The following PRR14L variants were observed in gnomAD, a reference collection of about 807,000 sequenced individuals.
The protein encoded by PRR14L is proline rich 14 like, also known as protein PRR14L.
A neutral mutation model predicts 155.0 loss-of-function variants in PRR14L; 80 were observed. That is an observed-to-expected ratio of 0.52 (90% CI 0.43 to 0.62). PRR14L has a LOEUF of 0.62. Among genes scored for constraint, PRR14L ranks in the 20% least tolerant of loss-of-function variants. The pLI, the probability that PRR14L is intolerant of heterozygous loss-of-function variation, is 0.00. For missense variants in PRR14L, 2,469 were observed against 2,548.0 expected (o/e 0.97, Z 0.67); for synonymous variants, 883 against 916.0 (o/e 0.96, Z 0.65).
In PRR14L at chr22:31,716,426, C is replaced by T. The variant is rs1372351909; in HGVS notation, c.1413G>A (p.Met471Ile). ...PNSFTEATEV[M>I]LNKNDLKITV... is the part of the protein sequence containing the mutation. ...TAATTTTCAAATCATTTTTATTTAA[C>T]ATTACTTCTGTGGCTTCAGTAAAAG... Residue 471 changes from methionine to isoleucine, a missense_variant, in exon 4 of 9, where the codon ATG becomes ATA. Physicochemically the swap from Met to Ile is conservative, Grantham distance 10. This residue lies in a region of PRR14L where 2,363 missense variants were observed against 2,371.6 expected (regional missense o/e 1.00). Transcript: ENST00000327423. 2 of 1,551,072 alleles carry T rather than the reference C, an allele frequency of 1.3e-6. No homozygotes were observed. Among genetic ancestry groups the T allele is most frequent in the African/African-American group, 1.4e-5 (1 of 72,992 alleles).
intron 7 of PRR14L, among the ~76,000 whole-genome samples, chr22:31,690,688 C>G (rs1431147328): frequency 6.6e-6 from 1 of 151,060 alleles, no homozygotes; most frequent in Non-Finnish European, 1.5e-5. Flanking sequence ...GTCGCCCAGG[C>G]TGGAGTGCAG....
intron 1 of PRR14L, among the ~76,000 whole-genome samples, chr22:31,748,450 C>CTG (rs138283): frequency 0.83 from 126,371 of 152,008 alleles, 53,145 homozygotes; most frequent in African/African-American, 0.96. Flanking sequence ...AGGAGTGAAA[C>CTG]TGGAAAATGC....
At chr22:31,708,502 T>C (rs1228011878) in intron 4 of PRR14L, among the ~76,000 whole-genome samples, 2 of 151,766 alleles carry the variant, frequency 1.3e-5, no homozygotes, top group African/African-American at 4.8e-5. Context: ...AATTTTCCTG[T>C]TTTTAGTAGA....
At chr22:31,700,366 T>A (rs999120133) in intron 7 of PRR14L, among the ~76,000 whole-genome samples, 1 of 152,228 alleles carries the variant, frequency 6.6e-6, no homozygotes, top group Non-Finnish European at 1.5e-5. Flanking sequence ...GAAATATTTT[T>A]AAAATTTCTC....
chr22:31,707,483 C>T (rs778092785), intron 4 of PRR14L, among the ~76,000 whole-genome samples: 13 of 152,090 alleles, frequency 8.5e-5, no homozygotes, highest in Admixed American at 3.9e-4. Flanking sequence ...CAGGTTCAAG[C>T]GATTCTCCTG....
intron 5 of PRR14L, 32 bp from the exon 6 acceptor site, chr22:31,703,753 G>T: frequency 7.3e-7 from 1 of 1,375,306 alleles, no homozygotes; most frequent in Non-Finnish European, 9.7e-7. Flanking sequence ...AGATATGAGA[G>T]GGGTTCCCTT....
In PRR14L at chr22:31,715,170, A is replaced by G; in HGVS notation, c.2669T>C (p.Ile890Thr). 1 of 1,551,952 alleles carries G rather than the reference A, an allele frequency of 6.4e-7. No individual in the cohort carries two copies. The highest frequency in any genetic ancestry group is 8.7e-7 in the Non-Finnish European group (1 of 1,147,028). ...LLNSGISNKT[I>T]HTSSSIKLSE... ...GAGTTTGATGCTACTGGAGGTGTGA[A>G]TGGTTTTGTTTGAAATTCCACTATT... The change falls in exon 4 of 9, where the codon ATT (isoleucine) becomes ACT (threonine). Residue 890 changes from isoleucine to threonine, a missense_variant. This residue lies in a region of PRR14L where 2,363 missense variants were observed against 2,371.6 expected (regional missense o/e 1.00). Transcript: ENST00000327423.
intron 7 of PRR14L, among the ~76,000 whole-genome samples, chr22:31,693,162 C>G (rs551351265): frequency 6.6e-6 from 1 of 152,098 alleles, no homozygotes; most frequent in Non-Finnish European, 1.5e-5. Flanking sequence ...TGAGTTTTGA[C>G]AAACACATAA....
intron 2 of PRR14L, among the ~76,000 whole-genome samples, chr22:31,737,283 C>T (rs1020653875): frequency 5.3e-5 from 8 of 151,902 alleles, no homozygotes; most frequent in Non-Finnish European, 8.8e-5. Flanking sequence ...GGGTTCTAGA[C>T]CAGCCTGGTC....
intron 7 of PRR14L, among the ~76,000 whole-genome samples, chr22:31,695,536 G>A (rs1156784595): frequency 7.9e-5 from 12 of 152,098 alleles, no homozygotes; most frequent in Non-Finnish European, 1.5e-5. Context: ...TTCCCAACAC[G>A]CATAGGGCAC....
intron 6 of PRR14L, among the ~76,000 whole-genome samples, chr22:31,702,805 C>T (rs763356209): frequency 7.3e-5 from 11 of 150,944 alleles, no homozygotes; most frequent in African/African-American, 1.5e-4. Context: ...CGTGAGCCAC[C>T]GTGCCCGGCC....
intron 7 of PRR14L, among the ~76,000 whole-genome samples, chr22:31,700,295 T>G (rs1422357505): frequency 6.6e-6 from 1 of 152,228 alleles, no homozygotes; most frequent in Non-Finnish European, 1.5e-5. Context: ...CAAGAGAGAA[T>G]AGAACTGATA....
In PRR14L at chr22:31,684,064, GTT is replaced by G. The variant is rs1413650490; in HGVS notation, c.*1461_*1462del. On this transcript the variant is annotated 3_prime_UTR_variant, in exon 9 of 9. Coordinates refer to ENST00000327423, the MANE Select transcript of PRR14L (RefSeq NM_173566.3). ...TGGAATGTTAATTCTCTAAACTCTTGTTTTGAGAGAGAAAGAGAAACCCCTAG... is the reference window on the plus strand; with the variant it reads ...TGGAATGTTAATTCTCTAAACTCTTGTTGAGAGAGAAAGAGAAACCCCTAG... 7 of 152,324 alleles carry G rather than the reference GTT, an allele frequency of 4.6e-5. No homozygotes were observed. In the East Asian group the frequency reaches 9.6e-4, roughly 21 times the overall value. 9.4% of individuals were successfully genotyped at this position (152,324 alleles called of 1,614,324 possible).
At chr22:31,717,862 C>T (rs886522961) in intron 3 of PRR14L, among the ~76,000 whole-genome samples, 1 of 151,744 alleles carries the variant, frequency 6.6e-6, no homozygotes, top group Non-Finnish European at 1.5e-5. Context: ...TCAGCTCAAG[C>T]AATTTTCCCG....
intron 1 of PRR14L, among the ~76,000 whole-genome samples, chr22:31,743,287 A>G (rs2074822074): frequency 6.6e-6 from 1 of 150,784 alleles, no homozygotes; most frequent in Non-Finnish European, 1.5e-5. Context: ...GGGAGACAAA[A>G]CCGAAAGTCT....
At chr22:31,735,001 GTTTCT>G (rs904519538) in intron 2 of PRR14L, among the ~76,000 whole-genome samples, 10 of 152,112 alleles carry the variant, frequency 6.6e-5, no homozygotes, top group Non-Finnish European at 1.3e-4. Context: ...AAGTATTTCT[GTTTCT>G]TTTCAATTGT....
At position 31,714,816 on chromosome 22, in the gene PRR14L, A is replaced by T. The variant is rs1422842248; in HGVS notation, c.3023T>A (p.Val1008Glu). The T allele has an allele frequency of 6.4e-7, 1 of 1,551,916 alleles. No homozygotes were observed. The stretch of plus-strand genomic sequence containing the variant: ...CAGCAGATCCTTTTGGTTGTGGTTT[A>T]CCTCCCCGTGAGGCTCGGTGACAGT... Reference protein sequence around the residue: ...RETVTEPHGEVNHNQKDLLVS... With the variant: ...RETVTEPHGEENHNQKDLLVS... The change falls in exon 4 of 9, where the codon GTA becomes GAA. Residue 1008 changes from valine to glutamate, a missense_variant. Val to Glu is a moderately radical substitution (Grantham distance 121). Around this residue, in one of 2 missense-constraint regions of PRR14L, gnomAD observed 2,363 missense variants for 2,371.6 expected, o/e 1.00. Coordinates refer to ENST00000327423, the MANE Select transcript of PRR14L (RefSeq NM_173566.3).
chr22:31,726,703 A>G (rs1278048209), intron 2 of PRR14L, among the ~76,000 whole-genome samples: 1 of 152,174 alleles, frequency 6.6e-6, no homozygotes, highest in Non-Finnish European at 1.5e-5. Context: ...TTAACACTTC[A>G]TGGAAAAGGG....
Position 31,692,841 on chromosome 22 carries a change from T to G in PRR14L, c.6108-4614A>C, listed in dbSNP as rs573772591. On this transcript the variant is annotated intron_variant, in intron 7 of 8. Transcript: ENST00000327423. Reference sequence around the variant, plus strand: ...TTATTTTTGTAGAGACAGGGTCTCATGCTGCCCGGGCTGGCCTTGAACTCC... The same window carrying G: ...TTATTTTTGTAGAGACAGGGTCTCAGGCTGCCCGGGCTGGCCTTGAACTCC... 2.0e-5 allele frequency among the ~76,000 whole-genome samples: 3 copies of G among 152,220 alleles called. No homozygotes were observed. In the East Asian group the frequency reaches 5.8e-4, roughly 29 times the overall value.
Sources: allele counts gnomAD v4.1 joint callset (sites outside exome capture counted in the v4.1 genomes callset), GRCh38; gene constraint gnomAD v4.1.1; regional missense constraint gnomAD v4.1.1; transcripts MANE v1.5; gene names NCBI Gene and HGNC (gene_info 2026-07-23, HGNC 2026-07-21).